Variants in MCTP1 observed in about 807,000 individuals in gnomAD.
MCTP1 encodes the protein multiple C2 and transmembrane domain-containing protein 1.
MCTP1 carries 69 observed loss-of-function variants against 120.6 expected under a neutral mutation model. The observed-to-expected ratio is 0.57, with a 90% CI of 0.47 to 0.70. The LOEUF (loss-of-function observed/expected upper bound fraction) is 0.70. Among genes scored for constraint, MCTP1 ranks in the 30% least tolerant of loss-of-function variants. The probability of loss-of-function intolerance (pLI) is 0.00; values close to 1 mark genes in which losing one functional copy is unlikely to be tolerated. For synonymous variants in MCTP1, 529 were observed against 493.1 expected (o/e 1.07, Z -0.96); for missense variants, 1,203 against 1,248.8 (o/e 0.96, Z 0.55).
intron 1 of MCTP1, among the ~76,000 whole-genome samples, chr5:95,099,430 AAAAC>A (rs767912171): frequency 2.0e-5 from 3 of 152,018 alleles, no homozygotes; most frequent in African/African-American, 7.2e-5. Context: ...TTACAAGAAA[AAAAC>A]AAACAACCCC....
At chr5:95,092,798 G>A (rs965243696) in intron 1 of MCTP1, among the ~76,000 whole-genome samples, 3 of 152,210 alleles carry the variant, frequency 2.0e-5, no homozygotes. Context: ...AATCCAGGTT[G>A]AAATAATATC....
chr5:95,132,957 C>T (rs1220637470), intron 1 of MCTP1, among the ~76,000 whole-genome samples: 4 of 152,196 alleles, frequency 2.6e-5, no homozygotes, highest in African/African-American at 7.2e-5. Flanking sequence ...GCTGCACTCA[C>T]ATCTCAAGTG....
chr5:94,894,418 C>A (rs544201581), intron 11 of MCTP1, among the ~76,000 whole-genome samples: 1 of 152,288 alleles, frequency 6.6e-6, no homozygotes, highest in Non-Finnish European at 1.5e-5. Flanking sequence ...ATCTCAGAAT[C>A]CAGAATTTGC....
At chr5:94,851,220 A>C (rs1161219465) in intron 17 of MCTP1, among the ~76,000 whole-genome samples, 2 of 152,218 alleles carry the variant, frequency 1.3e-5, no homozygotes, top group Non-Finnish European at 1.5e-5. Flanking sequence ...TTAGAAATGC[A>C]TTTTCCCTTC....
chr5:94,851,321 T>A (rs1379412178), intron 17 of MCTP1, among the ~76,000 whole-genome samples: 1 of 152,092 alleles, frequency 6.6e-6, no homozygotes, highest in Non-Finnish European at 1.5e-5. Flanking sequence ...TGTCACTCCA[T>A]ATGCACAAAT....
chr5:94,998,088 C>T (rs534341355), intron 2 of MCTP1, among the ~76,000 whole-genome samples: 1 of 152,068 alleles, frequency 6.6e-6, no homozygotes, highest in South Asian at 2.1e-4. Context: ...AAGGTTTTGT[C>T]TTATGCAAAC....
In MCTP1 at chr5:95,228,470, AAGAG is replaced by A. The variant is rs56915525; in HGVS notation, c.720+55382_720+55385del. On this transcript the variant is annotated intron_variant, in intron 1 of 22. Coordinates refer to ENST00000515393, the MANE Select transcript of MCTP1 (RefSeq NM_024717.7). ...CTTAGAAAAACTTCCATGCAGCCAA[AAGAG>A]AGAGAGAGAGAGAGAGAGCGAGACA... 1.9e-4 allele frequency among the ~76,000 whole-genome samples: 28 copies of A among 147,422 alleles called. No homozygotes were observed. The East Asian group carries it at 3.3e-3, about 17-fold the overall frequency.
At chr5:95,048,739 T>G (rs1745174809) in intron 1 of MCTP1, among the ~76,000 whole-genome samples, 1 of 152,170 alleles carries the variant, frequency 6.6e-6, no homozygotes, top group Non-Finnish European at 1.5e-5. Flanking sequence ...GAATATTTAT[T>G]AAAACAAGTT....
intron 2 of MCTP1, among the ~76,000 whole-genome samples, chr5:94,956,626 A>G (rs1023959333): frequency 6.6e-6 from 1 of 152,184 alleles, no homozygotes; most frequent in African/African-American, 2.4e-5. Flanking sequence ...AGCATACACA[A>G]ATATCAATAG....
intron 17 of MCTP1, among the ~76,000 whole-genome samples, chr5:94,836,889 T>G (rs896581342): frequency 6.6e-6 from 1 of 152,240 alleles, no homozygotes; most frequent in Non-Finnish European, 1.5e-5. Context: ...TAATTGGGAA[T>G]ATGTTCTGTT....
intron 1 of MCTP1, among the ~76,000 whole-genome samples, chr5:95,271,271 C>T (rs768186694): frequency 1.6e-4 from 25 of 152,086 alleles, no homozygotes; most frequent in Non-Finnish European, 7.4e-5. Flanking sequence ...ATTAGCATGG[C>T]AACATTAACA....
At chr5:95,019,971 A>G (rs1029062768) in intron 1 of MCTP1, among the ~76,000 whole-genome samples, 5 of 152,112 alleles carry the variant, frequency 3.3e-5, no homozygotes, top group African/African-American at 9.6e-5. Context: ...TTGAGGTCCA[A>G]TTGTGTTTCA....
intron 7 of MCTP1, among the ~76,000 whole-genome samples, chr5:94,921,848 G>A (rs778245056): frequency 3.3e-5 from 5 of 152,188 alleles, no homozygotes; most frequent in Non-Finnish European, 7.3e-5. Flanking sequence ...ATTTGAAAGG[G>A]TGTCAATTAA....
intron 1 of MCTP1, among the ~76,000 whole-genome samples, chr5:95,171,842 G>C (rs913271000): frequency 1.3e-5 from 2 of 151,186 alleles, no homozygotes; most frequent in African/African-American, 4.8e-5. Flanking sequence ...TAGCTTCTTT[G>C]CGATGGGTTT....
intron 2 of MCTP1, among the ~76,000 whole-genome samples, chr5:94,982,478 A>G (rs1829616824): frequency 6.6e-6 from 1 of 152,048 alleles, no homozygotes; most frequent in African/African-American, 2.4e-5. Context: ...TCTAAAATGT[A>G]CCCCCAAGAT....
chr5:94,713,289 ATTCCT>A (rs1757774335), intron 20 of MCTP1, among the ~76,000 whole-genome samples: 4 of 151,962 alleles, frequency 2.6e-5, no homozygotes, highest in Admixed American at 2.6e-4. Context: ...CCTGTGCCAT[ATTCCT>A]GTACCTTAGC....
chr5:94,707,628 A>G, intron 22 of MCTP1, 61 bp from the exon 23 acceptor site: 3 of 1,259,334 alleles, frequency 2.4e-6, no homozygotes, highest in Non-Finnish European at 3.5e-6. Flanking sequence ...AAAGAAAGGA[A>G]CAGCAAAGGA....
At chr5:94,850,547 TTA>T (rs1336540053) in intron 17 of MCTP1, among the ~76,000 whole-genome samples, 1 of 152,132 alleles carries the variant, frequency 6.6e-6, no homozygotes, top group Non-Finnish European at 1.5e-5. Context: ...TGTAAGTTAT[TTA>T]CTGACAAGCA....
chr5:95,204,789 C>T (rs181830868), intron 1 of MCTP1, among the ~76,000 whole-genome samples: 2 of 151,842 alleles, frequency 1.3e-5, no homozygotes, highest in East Asian at 1.9e-4. Flanking sequence ...ATAAAATACT[C>T]GTAAATAAAT....
Sources: gnomAD v4.1 joint callset for allele counts (sites outside exome capture counted in the v4.1 genomes callset) on GRCh38, gnomAD v4.1.1 for gene constraint, MANE v1.5 for transcripts, NCBI Gene and HGNC (gene_info 2026-07-23, HGNC 2026-07-21) for gene names.